Variants in MFN1 observed in about 807,000 individuals in gnomAD.
MFN1 encodes mitofusin-1.
Under a neutral mutation model 92.4 loss-of-function variants are expected in MFN1, and 65 were observed. That is an observed-to-expected ratio of 0.70 (90% CI 0.58 to 0.86). The LOEUF (loss-of-function observed/expected upper bound fraction) is 0.86, where lower values mean the gene tolerates loss of function less well. Ranked by LOEUF, MFN1 falls within the 40% of genes least tolerant of loss-of-function variation. The pLI is 0.00. For missense variants in MFN1, 781 were observed against 868.0 expected (o/e 0.90, Z 1.26); for synonymous variants, 297 against 300.9 (o/e 0.99, Z 0.13).
chr3:179,376,960 C>A, intron 10 of MFN1, 82 bp from the exon 11 acceptor site: 1 of 1,384,026 alleles, frequency 7.2e-7, no homozygotes, highest in Non-Finnish European at 9.8e-7. Flanking sequence ...ATAGATGGTT[C>A]AATACATGAA....
chr3:179,384,900 CTTTTTTTTTTT>C (rs35563595), intron 14 of MFN1, among the ~76,000 whole-genome samples: 2 of 84,632 alleles, frequency 2.4e-5, no homozygotes, highest in Non-Finnish European at 2.2e-5. Flanking sequence ...TTTTGAAGTC[CTTTTTTTTTTT>C]TTTTTTTTTT....
chr3:179,380,001 C>T (rs544995696), intron 14 of MFN1, among the ~76,000 whole-genome samples: 4 of 152,128 alleles, frequency 2.6e-5, no homozygotes, highest in Non-Finnish European at 5.9e-5. Flanking sequence ...TTGCAGTGAA[C>T]ACGTGCCACT....
chr3:179,389,673 AT>A (rs1307837327), intron 16 of MFN1, among the ~76,000 whole-genome samples: 2 of 151,976 alleles, frequency 1.3e-5, no homozygotes, highest in African/African-American at 4.8e-5. Flanking sequence ...AGTGCATGGA[AT>A]TTTTTTTCTG....
chr3:179,353,230 T>C (rs1407809335), intron 3 of MFN1, among the ~76,000 whole-genome samples: 1 of 150,490 alleles, frequency 6.6e-6, no homozygotes, highest in Non-Finnish European at 1.5e-5. Context: ...ATTTTTTTTT[T>C]TTTTTTTTGT....
chr3:179,361,318 T>C (rs1345893600), intron 4 of MFN1, among the ~76,000 whole-genome samples: 3 of 152,274 alleles, frequency 2.0e-5, no homozygotes, highest in South Asian at 4.1e-4. Context: ...TCCTCCTCCT[T>C]ATTTTAGATT....
In MFN1 at chr3:179,375,249, A is replaced by G. The variant is rs1267210973; in HGVS notation, c.1005A>G (p.Thr335=). 6.2e-7 allele frequency: 1 copy of G among 1,613,776 alleles called. No individual in the cohort carries two copies. Among genetic ancestry groups the G allele is most frequent in the Non-Finnish European group, 8.5e-7 (1 of 1,179,918 alleles). The change falls in exon 10 of 18, where the codon ACA becomes ACG. Residue 335 remains threonine (T), a synonymous_variant. Coordinates refer to ENST00000471841, the MANE Select transcript of MFN1 (RefSeq NM_033540.3). ...EECISQSAVK[T]KFEQHTIRAK... ...GTATCTCGCAGTCAGCAGTGAAAAC[A>G]AAGTTCGAACAGCACACTATCAGAG...
Position 179,359,415 on chromosome 3 carries a change from C to T in MFN1, c.411+413C>T, listed in dbSNP as rs181496944. Among the ~76,000 whole-genome samples, 9 of 146,490 alleles carry T rather than the reference C, an allele frequency of 6.1e-5. 2 individuals are homozygous for T. Among genetic ancestry groups the T allele is most frequent in the South Asian group, 2.1e-4 (1 of 4,716 alleles). On this transcript the variant is annotated intron_variant, in intron 4 of 17. Transcript: ENST00000471841. ...GATTATAGGCGTGAGCCACTGCACC[C>T]GGCCTTTTTTTTTTTTTTTTTTTGA...
At chr3:179,363,968 A>T (rs1712684922) in intron 5 of MFN1, among the ~76,000 whole-genome samples, 1 of 152,132 alleles carries the variant, frequency 6.6e-6, no homozygotes, top group South Asian at 2.1e-4. Context: ...TGGTATATTA[A>T]ATTTATATTT....
At chr3:179,375,423 C>G in intron 10 of MFN1, 82 bp downstream of exon 10, 3 of 1,520,238 alleles carry the variant, frequency 2.0e-6, no homozygotes, top group Non-Finnish European at 2.7e-6. Flanking sequence ...AATTGTTGTA[C>G]TATAAATACT....
At chr3:179,388,881 C>T (rs1283361039) in intron 16 of MFN1, among the ~76,000 whole-genome samples, 1 of 152,144 alleles carries the variant, frequency 6.6e-6, no homozygotes, top group East Asian at 1.9e-4. Flanking sequence ...TGTGTACATA[C>T]ATTCAGGTGT....
intron 17 of MFN1, among the ~76,000 whole-genome samples, chr3:179,391,427 A>T (rs940135179): frequency 1.3e-5 from 2 of 152,200 alleles, no homozygotes; most frequent in African/African-American, 2.4e-5. Flanking sequence ...TTTGGATAGA[A>T]TTTAATGTGC....
intron 3 of MFN1, among the ~76,000 whole-genome samples, chr3:179,352,896 C>T (rs1011863118): frequency 6.6e-6 from 1 of 151,584 alleles, no homozygotes; most frequent in African/African-American, 2.4e-5. Flanking sequence ...GAATTATAGG[C>T]GTGTGCCACC....
chr3:179,351,725 T>G (rs550480681), intron 2 of MFN1, among the ~76,000 whole-genome samples, 175 bp from the exon 3 acceptor site: 8 of 152,364 alleles, frequency 5.3e-5, no homozygotes, highest in Non-Finnish European at 1.2e-4. Flanking sequence ...GAAATTCTTT[T>G]GGGCGGGATT....
chr3:179,386,762 G>T, intron 16 of MFN1, 133 bp downstream of exon 16: 1 of 810,464 alleles, frequency 1.2e-6, no homozygotes, highest in Non-Finnish European at 1.9e-6. Context: ...GGCCATAAAT[G>T]AGAAAAAATA....
At chr3:179,381,370 A>G (rs570199396) in intron 14 of MFN1, among the ~76,000 whole-genome samples, 1 of 152,300 alleles carries the variant, frequency 6.6e-6, no homozygotes, top group East Asian at 1.9e-4. Context: ...GTTTCTTCTC[A>G]CCTAACAAAG....
intron 4 of MFN1, among the ~76,000 whole-genome samples, chr3:179,361,867 G>A (rs1436813081): frequency 6.6e-6 from 1 of 152,182 alleles, no homozygotes; most frequent in Non-Finnish European, 1.5e-5. Context: ...AGAAGATGCA[G>A]TATTTGGTTT....
rs1713926471 is a variant in MFN1, at chr3:179,392,118, AGTT to A, written c.*63_*65del. On this transcript the variant is annotated 3_prime_UTR_variant, in exon 18 of 18. Transcript: ENST00000471841. ...GAAACGAAACTTGTAAGATTGGAAC[AGTT>A]GTTATTTTTATGAAATTACTTTAAA... 6.3e-6 allele frequency: 7 copies of A among 1,104,910 alleles called. No individual in the cohort carries two copies. Among genetic ancestry groups the A allele is most frequent in the South Asian group, 1.3e-5 (1 of 75,046 alleles). The allele number at this position is 1,104,910 out of a possible 1,614,324, so 68.4% of individuals were successfully genotyped here. A position where few individuals can be genotyped will look rare whatever the true frequency, so the allele number is the denominator to read the frequency against.
At position 179,351,805 on chromosome 3, in the gene MFN1, A is replaced by G. The variant is rs115576030; in HGVS notation, c.113-95A>G. 534 of 1,275,900 alleles carry G rather than the reference A, an allele frequency of 4.2e-4. 3 individuals are homozygous for G. The African/African-American group carries it at 6.8e-3, about 16-fold the overall frequency. 79.0% of individuals were successfully genotyped at this position (1,275,900 alleles called of 1,614,324 possible). A position where few individuals can be genotyped will look rare whatever the true frequency, so the allele number is the denominator to read the frequency against. On this transcript the variant is annotated intron_variant, in intron 2 of 17. Transcript: ENST00000471841. ...GAGATGCTGTGGGTGGCATGTTAAC[A>G]TAAAGCAAAAATACATACAATCTTA...
chr3:179,352,026 T>G lies in MFN1; in HGVS notation c.239T>G (p.Phe80Cys). Residue 80 changes from phenylalanine to cysteine, a missense_variant, in exon 3 of 18, where the codon TTT becomes TGT. Phe to Cys is a radical substitution (Grantham distance 205). Coordinates refer to ENST00000471841, the MANE Select transcript of MFN1 (RefSeq NM_033540.3). ...VLSRRHMKVA[F>C]FGRTSSGKSS... is the part of the protein sequence containing the mutation. Reference sequence around the variant, plus strand: ...TCTCGGAGACACATGAAGGTGGCATTTTTTGGCAGGTAATTATTTATTATT... The same window carrying G: ...TCTCGGAGACACATGAAGGTGGCATGTTTTGGCAGGTAATTATTTATTATT... 1 of 1,590,344 alleles carries G rather than the reference T, an allele frequency of 6.3e-7. No homozygotes were observed. Among genetic ancestry groups the G allele is most frequent in the Admixed American group, 1.7e-5 (1 of 58,994 alleles).
Sources: allele counts gnomAD v4.1 joint callset (sites outside exome capture counted in the v4.1 genomes callset), GRCh38; gene constraint gnomAD v4.1.1; transcripts MANE v1.5; gene names NCBI Gene and HGNC (gene_info 2026-07-23, HGNC 2026-07-21).